Variants in BACH2 observed in about 807,000 individuals in gnomAD.
BACH2 encodes BACH transcriptional regulator 2, also known as transcription regulator protein BACH2.
A neutral mutation model predicts 61.8 loss-of-function variants in BACH2; 5 were observed. That is an observed-to-expected ratio of 0.08 (90% CI 0.04 to 0.17). BACH2 has a LOEUF of 0.17. BACH2 is among the 10% of genes least tolerant of loss of function. The probability of loss-of-function intolerance (pLI) is 1.00; values close to 1 mark genes in which losing one functional copy is unlikely to be tolerated. For missense variants in BACH2, 824 were observed against 1,091.1 expected (o/e 0.76, Z 3.45); for synonymous variants, 446 against 440.1 (o/e 1.01, Z -0.17).
chr6:90,295,653 G>C (rs1772324923), intron 1 of BACH2, among the ~76,000 whole-genome samples: 1 of 134,768 alleles, frequency 7.4e-6, no homozygotes, highest in East Asian at 2.2e-4. Context: ...CTGGAGTGTA[G>C]GGTGTGTGTG....
chr6:90,274,481 T>A (rs1237435859), intron 1 of BACH2, among the ~76,000 whole-genome samples: 1 of 151,882 alleles, frequency 6.6e-6, no homozygotes, highest in African/African-American at 2.4e-5. Context: ...AACAAGAAAA[T>A]CCGGTTGAAG....
intron 3 of BACH2, among the ~76,000 whole-genome samples, chr6:90,239,066 C>G (rs1770347843): frequency 1.3e-5 from 2 of 152,192 alleles, no homozygotes; most frequent in Non-Finnish European, 1.5e-5. Flanking sequence ...AGCTGCTGCA[C>G]TGAATTTTAC....
chr6:90,293,169 T>C (rs1050805190), intron 1 of BACH2, among the ~76,000 whole-genome samples: 7 of 152,232 alleles, frequency 4.6e-5, no homozygotes, highest in Non-Finnish European at 8.8e-5. Context: ...ACAGGTCTTA[T>C]GCCCATGAAG....
chr6:89,981,134 T>C (rs78156061), intron 6 of BACH2, among the ~76,000 whole-genome samples: 1 of 93,470 alleles, frequency 1.1e-5, no homozygotes, highest in Admixed American at 9.8e-5. Context: ...CGTGATTCGC[T>C]TTTTTTTTTT....
intron 4 of BACH2, among the ~76,000 whole-genome samples, chr6:90,142,889 C>T (rs1199302423): frequency 6.6e-6 from 1 of 152,008 alleles, no homozygotes; most frequent in African/African-American, 2.4e-5. Context: ...ACAAATAATA[C>T]ATTGGACATG....
In BACH2 at chr6:89,951,779, G is replaced by A. The variant is rs755933234; in HGVS notation, c.327C>T (p.Val109=). Residue 109 remains valine, a synonymous_variant, in exon 7 of 9, where the codon GTC becomes GTT. Coordinates refer to ENST00000257749, the MANE Select transcript of BACH2 (RefSeq NM_021813.4). This position sits in a 1 kb window ranked among gnomAD's most constrained non-coding sequence, Gnocchi z 6.4. ...LLLSRENIRE[V]IRCAEFLRMH... ...TGCGCAGGAACTCAGCACAGCGGAT[G>A]ACCTCGCGGATGTTTTCTCTGCTGA... 6.2e-7 allele frequency: 1 copy of A among 1,614,242 alleles called. No homozygotes were observed. Among genetic ancestry groups the A allele is most frequent in the Non-Finnish European group, 8.5e-7 (1 of 1,180,052 alleles).
intron 6 of BACH2, among the ~76,000 whole-genome samples, chr6:89,952,747 G>T (rs1383766389): frequency 6.6e-6 from 1 of 152,220 alleles, no homozygotes; most frequent in African/African-American, 2.4e-5. Context: ...TACAAAGATT[G>T]AAAGTGTGCT....
At chr6:90,291,844 C>T (rs1469962958) in intron 1 of BACH2, among the ~76,000 whole-genome samples, 1 of 152,104 alleles carries the variant, frequency 6.6e-6, no homozygotes, top group East Asian at 1.9e-4. Context: ...CCCAGCTCTG[C>T]CAAAAGCTTG....
chr6:90,061,382 A>C (rs1034600777), intron 5 of BACH2, among the ~76,000 whole-genome samples: 2 of 152,142 alleles, frequency 1.3e-5, no homozygotes, highest in African/African-American at 4.8e-5. Context: ...GATAAGAATA[A>C]TTGGGAGATG....
At chr6:90,046,917 T>G (rs1443582944) in intron 5 of BACH2, among the ~76,000 whole-genome samples, 2 of 126,790 alleles carry the variant, frequency 1.6e-5, no homozygotes, top group Non-Finnish European at 3.4e-5. Context: ...CAATTGCCCA[T>G]GTAATTTCTT....
chr6:90,192,620 A>G (rs1336824321), intron 4 of BACH2, among the ~76,000 whole-genome samples: 5 of 152,198 alleles, frequency 3.3e-5, no homozygotes, highest in African/African-American at 1.2e-4. Flanking sequence ...TAGAACATGT[A>G]ACAAAAAAAG....
chr6:89,954,457 AC>A (rs1359442049), intron 6 of BACH2, among the ~76,000 whole-genome samples: 9 of 44,364 alleles, frequency 2.0e-4, no homozygotes, highest in Non-Finnish European at 3.5e-4. Flanking sequence ...CCCTCCCCCC[AC>A]CCCACAACAG....
Position 90,084,036 on chromosome 6 carries a change from C to A in BACH2, c.-13+4925G>T, listed in dbSNP as rs1005227372. Among the ~76,000 whole-genome samples, 66 of 141,628 alleles carry A rather than the reference C, an allele frequency of 4.7e-4. 1 individual carries two copies. The highest frequency in any genetic ancestry group is 3.6e-3 in the Middle Eastern group (1 of 274). The allele number at this position is 141,628 out of a possible 152,430, so 92.9% of individuals were successfully genotyped here. ...ACCCCACCTTTACTCAAAACCAAAG[C>A]TATCTTGTTTTCTTCATCGCTGAAA... On this transcript the variant is annotated intron_variant, in intron 5 of 8. Transcript: ENST00000257749.
intron 3 of BACH2, among the ~76,000 whole-genome samples, chr6:90,250,811 CA>C (rs952928196): frequency 1.1e-4 from 16 of 151,866 alleles, no homozygotes; most frequent in African/African-American, 3.9e-4. Flanking sequence ...TTCATTTAAC[CA>C]AAAATTTTTT....
intron 4 of BACH2, among the ~76,000 whole-genome samples, chr6:90,188,485 C>T (rs1768437760): frequency 6.6e-6 from 1 of 151,180 alleles, no homozygotes; most frequent in African/African-American, 2.4e-5. Flanking sequence ...TTATTCATAT[C>T]TATTAAAATA....
chr6:90,280,048 G>T (rs1346966540), intron 1 of BACH2, among the ~76,000 whole-genome samples: 2 of 152,036 alleles, frequency 1.3e-5, no homozygotes, highest in South Asian at 2.1e-4. Flanking sequence ...AGATAAAGAG[G>T]TATTGTGGAG....
At chr6:90,119,495 T>G (rs1288251445) in intron 4 of BACH2, among the ~76,000 whole-genome samples, 1 of 152,192 alleles carries the variant, frequency 6.6e-6, no homozygotes. Context: ...CTTTGTGGTG[T>G]CAGTTTACTG....
intron 5 of BACH2, among the ~76,000 whole-genome samples, chr6:90,075,675 T>C (rs1028112583): frequency 3.3e-5 from 5 of 152,186 alleles, no homozygotes; most frequent in African/African-American, 9.6e-5. Context: ...AAACCTGCCA[T>C]TTGGAAGCCT....
Position 90,209,891 on chromosome 6 carries a change from A to C in BACH2, c.-274-3210T>G, listed in dbSNP as rs117069340. 1.1e-3 allele frequency among the ~76,000 whole-genome samples: 174 copies of C among 152,296 alleles called. 6 individuals carry two copies. In the East Asian group the frequency reaches 0.033, roughly 29 times the overall value. ...AACGTTTTAAAATAAATATTACGAT[A>C]GTTTTTTCTTTGCTGTCACTCACAG... On this transcript the variant is annotated intron_variant, in intron 3 of 8. Transcript: ENST00000257749.
Sources: gnomAD v4.1 joint callset for allele counts (sites outside exome capture counted in the v4.1 genomes callset) on GRCh38, gnomAD v4.1.1 for gene constraint, Gnocchi (gnomAD v3.1) non-coding constraint, MANE v1.5 for transcripts, NCBI Gene and HGNC (gene_info 2026-07-23, HGNC 2026-07-21) for gene names.